FAM13A: variants seen among roughly 807,000 people sequenced by gnomAD.
The protein encoded by FAM13A is family with sequence similarity 13 member A, also known as protein FAM13A.
FAM13A carries 76 observed loss-of-function variants against 129.6 expected under a neutral mutation model. The observed-to-expected ratio is 0.59, with a 90% CI of 0.49 to 0.71. The LOEUF (loss-of-function observed/expected upper bound fraction) is 0.71, where lower values mean the gene tolerates loss of function less well. Among genes scored for constraint, FAM13A ranks in the 30% least tolerant of loss-of-function variants. The pLI, the probability that FAM13A is intolerant of heterozygous loss-of-function variation, is 0.00. For synonymous variants in FAM13A, 443 were observed against 449.9 expected, an observed-to-expected ratio of 0.98 and a Z score of 0.20; for missense variants, 1,108 against 1,249.3, an observed-to-expected ratio of 0.89 and a Z score of 1.70.
At chr4:89,019,533 G>A (rs1344712482) in intron 3 of FAM13A, among the ~76,000 whole-genome samples, 2 of 151,982 alleles carry the variant, frequency 1.3e-5, no homozygotes, top group Admixed American at 1.3e-4. Context: ...AGCCAAGATG[G>A]GTGAATCACC....
At chr4:88,993,703 T>C (rs1763193664) in intron 3 of FAM13A, among the ~76,000 whole-genome samples, 1 of 152,142 alleles carries the variant, frequency 6.6e-6, no homozygotes, top group Non-Finnish European at 1.5e-5. Flanking sequence ...CAAAATGACA[T>C]AAAATCATTT....
At position 88,726,664 on chromosome 4, in the gene FAM13A, T is replaced by C. The variant is rs1736535890; in HGVS notation, c.*1869A>G. The stretch of plus-strand genomic sequence containing the variant: ...TTTAAAAAAACACAATTTTTGGTCA[T>C]GTGAATGATTCATGTTCAGATTTCA... On this transcript the variant is annotated 3_prime_UTR_variant, in exon 24 of 24. Transcript: ENST00000264344. The C allele has an allele frequency of 6.6e-6, 1 of 152,656 alleles. No homozygotes were observed. Among genetic ancestry groups the C allele is most frequent in the South Asian group, 2.1e-4 (1 of 4,832 alleles). The allele number at this position is 152,656 out of a possible 1,614,324, so 9.5% of individuals were successfully genotyped here. A position where few individuals can be genotyped will look rare whatever the true frequency, so the allele number is the denominator to read the frequency against.
At chr4:88,807,722 A>G (rs1728860369) in intron 7 of FAM13A, among the ~76,000 whole-genome samples, 1 of 152,202 alleles carries the variant, frequency 6.6e-6, no homozygotes, top group Non-Finnish European at 1.5e-5. Context: ...GTCAAAGTCC[A>G]TCCATAATGC....
chr4:88,985,197 C>T (rs915725606), intron 4 of FAM13A, among the ~76,000 whole-genome samples: 2 of 152,274 alleles, frequency 1.3e-5, no homozygotes, highest in African/African-American at 2.4e-5. Context: ...GAAAAGAACA[C>T]ATATTGTATG....
intron 13 of FAM13A, among the ~76,000 whole-genome samples, chr4:88,763,675 G>A (rs1422710895): frequency 6.6e-6 from 1 of 152,052 alleles, no homozygotes; most frequent in East Asian, 1.9e-4. Flanking sequence ...TCCTTCCATT[G>A]CCCTGCACAG....
At chr4:88,758,329 A>G (rs1272173436) in intron 14 of FAM13A, among the ~76,000 whole-genome samples, 1 of 152,158 alleles carries the variant, frequency 6.6e-6, no homozygotes, top group African/African-American at 2.4e-5. Context: ...AGCAAACCAA[A>G]ACGGGAAGGA....
At chr4:88,941,255 G>A (rs1754712688) in intron 4 of FAM13A, among the ~76,000 whole-genome samples, 1 of 152,158 alleles carries the variant, frequency 6.6e-6, no homozygotes, top group Non-Finnish European at 1.5e-5. Flanking sequence ...TTCCCAAACA[G>A]GAGCTTCAGT....
chr4:88,787,612 T>A (rs1724226429), intron 10 of FAM13A, 141 bp downstream of exon 10: 2 of 701,964 alleles, frequency 2.8e-6, no homozygotes, highest in Non-Finnish European at 4.6e-6. Context: ...ATGGACAAAC[T>A]GATAACTCTT....
At chr4:88,862,007 C>A (rs960065334) in intron 6 of FAM13A, among the ~76,000 whole-genome samples, 2 of 152,120 alleles carry the variant, frequency 1.3e-5, no homozygotes, top group African/African-American at 2.4e-5. Flanking sequence ...CACACTGTCT[C>A]TCATATTTTT....
At chr4:89,026,482 C>T (rs1767979754) in intron 2 of FAM13A, among the ~76,000 whole-genome samples, 2 of 152,152 alleles carry the variant, frequency 1.3e-5, no homozygotes. Flanking sequence ...AAAGAACTGC[C>T]TGAGAGTGGG....
intron 6 of FAM13A, among the ~76,000 whole-genome samples, chr4:88,854,228 G>C (rs1465949254): frequency 2.0e-5 from 3 of 152,296 alleles, no homozygotes; most frequent in East Asian, 1.9e-4. Flanking sequence ...TAATCGAGGG[G>C]AAGACAGACA....
chr4:88,974,441 T>C (rs1239558676), intron 4 of FAM13A, among the ~76,000 whole-genome samples: 4 of 152,156 alleles, frequency 2.6e-5, no homozygotes, highest in Non-Finnish European at 5.9e-5. Flanking sequence ...GCTCCTTAAA[T>C]GCTAGACCAG....
At chr4:88,944,189 C>A (rs1374092873) in intron 4 of FAM13A, among the ~76,000 whole-genome samples, 1 of 151,924 alleles carries the variant, frequency 6.6e-6, no homozygotes, top group African/African-American at 2.4e-5. Flanking sequence ...ATAGTGAGAC[C>A]CTCATTTTAA....
chr4:89,037,205 T>C (rs987587980), intron 1 of FAM13A, among the ~76,000 whole-genome samples: 1 of 152,208 alleles, frequency 6.6e-6, no homozygotes, highest in African/African-American at 2.4e-5. Context: ...GGAAAGCAAC[T>C]GAGGTGCTGT....
chr4:88,823,317 G>A, intron 7 of FAM13A: 6 of 1,136,006 alleles, frequency 5.3e-6, no homozygotes, highest in South Asian at 3.2e-5. Flanking sequence ...AGCACTAAAG[G>A]CGCTCCTCCT....
intron 7 of FAM13A, among the ~76,000 whole-genome samples, chr4:88,815,012 A>T (rs535076363): frequency 1.3e-4 from 19 of 151,966 alleles, no homozygotes; most frequent in East Asian, 3.9e-4. Context: ...GATAATTTTT[A>T]AAAAAAATTT....
chr4:88,830,983 G>C (rs992563414), intron 7 of FAM13A, among the ~76,000 whole-genome samples: 2 of 146,202 alleles, frequency 1.4e-5, no homozygotes, highest in African/African-American at 5.2e-5. Context: ...TCATGTGGAT[G>C]CTTTTTTTTT....
At chr4:88,743,025 C>T (rs1468009449) in intron 19 of FAM13A, among the ~76,000 whole-genome samples, 2 of 152,136 alleles carry the variant, frequency 1.3e-5, no homozygotes, top group East Asian at 3.9e-4. Context: ...ATATGTGGAA[C>T]TAGGGTTATC....
intron 6 of FAM13A, among the ~76,000 whole-genome samples, chr4:88,877,479 C>T (rs1462522331): frequency 6.6e-6 from 1 of 151,954 alleles, no homozygotes; most frequent in Non-Finnish European, 1.5e-5. Context: ...GTCCTTATAA[C>T]AATATGTTAA....
Sources: allele counts gnomAD v4.1 joint callset (sites outside exome capture counted in the v4.1 genomes callset), GRCh38; gene constraint gnomAD v4.1.1; transcripts MANE v1.5; gene names NCBI Gene and HGNC (gene_info 2026-07-23, HGNC 2026-07-21).